The following EEA1 variants were observed in gnomAD, a reference collection of about 807,000 sequenced individuals.
EEA1 encodes early endosome antigen 1, 162kD.
Under a neutral mutation model 209.2 loss-of-function variants are expected in EEA1, and 111 were observed. That is an observed-to-expected ratio of 0.53 (90% confidence interval 0.45 to 0.62). The LOEUF is 0.62. Ranked by LOEUF, EEA1 falls within the 20% of genes least tolerant of loss-of-function variation. The pLI is 0.00. For missense variants in EEA1, 1,343 were observed against 1,530.8 expected (o/e 0.88, Z 2.05); for synonymous variants, 536 against 540.6 (o/e 0.99, Z 0.12).
intron 2 of EEA1, among the ~76,000 whole-genome samples, chr12:92,883,430 A>T (rs1331744992): frequency 4.6e-5 from 7 of 152,004 alleles, no homozygotes; most frequent in Admixed American, 4.6e-4. Context: ...CCGGCTTGTC[A>T]ATTTTTGATT....
intron 9 of EEA1, among the ~76,000 whole-genome samples, chr12:92,844,456 T>A (rs1326441582): frequency 6.6e-6 from 1 of 152,160 alleles, no homozygotes; most frequent in African/African-American, 2.4e-5. Flanking sequence ...GCTGATATGT[T>A]AATATATACA....
At chr12:92,842,638 A>G in intron 9 of EEA1, 57 bp from the exon 10 acceptor site, 1 of 1,081,638 alleles carries the variant, frequency 9.2e-7, no homozygotes, top group South Asian at 1.5e-5. Context: ...AAAAGATAAA[A>G]AAAATGAAAG....
intron 9 of EEA1, among the ~76,000 whole-genome samples, chr12:92,850,707 A>G (rs1343730051): frequency 2.7e-5 from 4 of 150,780 alleles, no homozygotes; most frequent in African/African-American, 4.9e-5. Flanking sequence ...AAAAAAAAAA[A>G]AAAAAAAAAG....
At chr12:92,862,096 C>T (rs1425462813) in intron 3 of EEA1, among the ~76,000 whole-genome samples, 1 of 152,082 alleles carries the variant, frequency 6.6e-6, no homozygotes, top group Non-Finnish European at 1.5e-5. Context: ...GACTTTTGAT[C>T]TAAAAGACAT....
At chr12:92,835,349 G>T in intron 10 of EEA1, 1 of 284,530 alleles carries the variant, frequency 3.5e-6, no homozygotes, top group South Asian at 2.8e-5. Flanking sequence ...TACTTAGAAA[G>T]TAACCAACTA....
chr12:92,882,453 T>C (rs1453398138), intron 2 of EEA1, among the ~76,000 whole-genome samples: 1 of 151,858 alleles, frequency 6.6e-6, no homozygotes, highest in Non-Finnish European at 1.5e-5. Flanking sequence ...AGGGTGTATG[T>C]GCAGGTTTGT....
intron 15 of EEA1, among the ~76,000 whole-genome samples, chr12:92,813,999 A>T (rs533275886): frequency 1.4e-4 from 22 of 152,090 alleles, no homozygotes; most frequent in Non-Finnish European, 2.8e-4. Context: ...GCGACAGAGC[A>T]AGACTCTGTC....
intron 16 of EEA1, 43 bp downstream of exon 16, chr12:92,812,937 C>G: frequency 5.9e-6 from 8 of 1,348,780 alleles, no homozygotes; most frequent in Non-Finnish European, 8.2e-6. Context: ...ATTTATCTAC[C>G]AAAGCACTAG....
chr12:92,875,990 T>C (rs1165698215), intron 2 of EEA1, among the ~76,000 whole-genome samples: 1 of 152,192 alleles, frequency 6.6e-6, no homozygotes, highest in Non-Finnish European at 1.5e-5. Context: ...CTATTTAAAA[T>C]TGCAGCCACC....
At chr12:92,843,228 G>C (rs1340391726) in intron 9 of EEA1, among the ~76,000 whole-genome samples, 1 of 152,096 alleles carries the variant, frequency 6.6e-6, no homozygotes, top group East Asian at 1.9e-4. Flanking sequence ...TACGATCACA[G>C]CTCACTGTAG....
chr12:92,884,173 A>G (rs1438477952), intron 2 of EEA1: 1 of 1,345,612 alleles, frequency 7.4e-7, no homozygotes. Context: ...AAGTGACTCA[A>G]ATCATGACTC....
chr12:92,793,769 C>T (rs369080733), intron 21 of EEA1, among the ~76,000 whole-genome samples: 75 of 151,866 alleles, frequency 4.9e-4, no homozygotes, highest in Non-Finnish European at 9.3e-4. Flanking sequence ...TTCATAGAAT[C>T]GGAAAAAACT....
chr12:92,832,064 G>A (rs552084219), intron 11 of EEA1, among the ~76,000 whole-genome samples: 10 of 149,688 alleles, frequency 6.7e-5, no homozygotes, highest in South Asian at 4.2e-4. Context: ...TCCGCAGTCC[G>A]GCCTGGGCGA....
chr12:92,839,569 T>A (rs1247475160), intron 10 of EEA1, among the ~76,000 whole-genome samples: 1 of 152,218 alleles, frequency 6.6e-6, no homozygotes, highest in Non-Finnish European at 1.5e-5. Flanking sequence ...AGCTAGACAT[T>A]AAAGAGGTTT....
chr12:92,872,398 A>G (rs1878694823), intron 2 of EEA1, among the ~76,000 whole-genome samples: 1 of 152,178 alleles, frequency 6.6e-6, no homozygotes, highest in Non-Finnish European at 1.5e-5. Context: ...ATGTCATATA[A>G]TGTGTTCAAC....
In EEA1 at chr12:92,860,448, T is replaced by C. The variant is rs546558023; in HGVS notation, c.246-2963A>G. 3.3e-5 allele frequency among the ~76,000 whole-genome samples: 5 copies of C among 152,324 alleles called. No homozygotes were observed. The South Asian group carries it at 1.0e-3, about 32-fold the overall frequency. ...TGGCGGGGAGGAGGAAATCCCTTCATACTTGAACATTTTCTAATTGCTTAT... is the reference window on the plus strand; with the variant it reads ...TGGCGGGGAGGAGGAAATCCCTTCACACTTGAACATTTTCTAATTGCTTAT... On this transcript the variant is annotated intron_variant, in intron 3 of 28. Transcript: ENST00000322349.
chr12:92,871,696 TA>T (rs572148853), intron 2 of EEA1, among the ~76,000 whole-genome samples: 31 of 152,346 alleles, frequency 2.0e-4, no homozygotes, highest in African/African-American at 6.7e-4. Flanking sequence ...CTATCCAAAG[TA>T]GGACTTCTAA....
chr12:92,922,736 T>C, intron 1 of EEA1, among the ~76,000 whole-genome samples: 1 of 149,134 alleles, frequency 6.7e-6, no homozygotes, highest in Non-Finnish European at 1.5e-5. Context: ...GCGGATCGCC[T>C]GAGGTCAGGA....
intron 10 of EEA1, among the ~76,000 whole-genome samples, chr12:92,834,546 TAA>T (rs5800089): frequency 1.1e-4 from 8 of 74,424 alleles, no homozygotes; most frequent in South Asian, 6.7e-4. Flanking sequence ...ACCCTGTCAC[TAA>T]AAAAAAAAAA....
Sources: allele counts gnomAD v4.1 joint callset (sites outside exome capture counted in the v4.1 genomes callset), GRCh38; gene constraint gnomAD v4.1.1; transcripts MANE v1.5; gene names NCBI Gene and HGNC (gene_info 2026-07-23, HGNC 2026-07-21).